ZKSCAN7: variants seen among roughly 807,000 people sequenced by gnomAD.
The protein encoded by ZKSCAN7 is zinc finger protein with KRAB and SCAN domains 7.
In ZKSCAN7, 38 loss-of-function variants were observed where a neutral mutation model predicts 65.3. That is an observed-to-expected ratio of 0.58 (90% CI 0.45 to 0.76). ZKSCAN7 has a LOEUF of 0.76. ZKSCAN7 is among the 30% of genes least tolerant of loss of function. ZKSCAN7 has a pLI of 0.00. For synonymous variants in ZKSCAN7, 321 were observed against 321.0 expected, an observed-to-expected ratio of 1.00 and a Z score of 0.00; for missense variants, 815 against 913.3, an observed-to-expected ratio of 0.89 and a Z score of 1.39.
intron 3 of ZKSCAN7, among the ~76,000 whole-genome samples, chr3:44,567,686 A>T (rs577561931): frequency 5.3e-5 from 8 of 152,008 alleles, no homozygotes; most frequent in African/African-American, 1.9e-4. Context: ...AGTTGAAGAG[A>T]GTGAGGGCTT....
Position 44,565,533 on chromosome 3 carries a change from C to T in ZKSCAN7, c.470C>T (p.Thr157Ile), listed in dbSNP as rs1473756569. Residue 157 changes from threonine (T) to isoleucine (I), a missense_variant, in exon 3 of 6, where the codon ACA becomes ATA. Around this residue, in one of 3 missense-constraint regions of ZKSCAN7, gnomAD observed 227 missense variants for 253.3 expected, o/e 0.90. Coordinates refer to ENST00000426540, the MANE Select transcript of ZKSCAN7 (RefSeq NM_001288590.2). Reference protein sequence around the residue: ...QKQEMHFEETTALGTTKESPP... With the variant: ...QKQEMHFEETIALGTTKESPP... The stretch of plus-strand genomic sequence containing the variant: ...CAGGAAATGCATTTTGAGGAGACAA[C>T]AGCTCTGGGTACAACAAAGGAATCT... The T allele has an allele frequency of 6.2e-7, 1 of 1,611,658 alleles. No homozygotes were observed. The highest frequency in any genetic ancestry group is 8.5e-7 in the Non-Finnish European group (1 of 1,179,018).
At chr3:44,573,262 C>T (rs1015663512), downstream of ZKSCAN7, among the ~76,000 whole-genome samples, 5 of 152,210 alleles carry the variant, frequency 3.3e-5, no homozygotes, top group Non-Finnish European at 7.3e-5. Flanking sequence ...TGTTGTCTAC[C>T]TCCTTCTCTT....
rs147940777 is a variant in ZKSCAN7, at chr3:44,570,310, C to G, written c.1200C>G (p.Gly400=). The change falls in exon 6 of 6, where the codon GGC becomes GGG. Residue 400 remains glycine, a synonymous_variant. Coordinates refer to ENST00000426540, the MANE Select transcript of ZKSCAN7 (RefSeq NM_001288590.2). ...TCAATCGGAGTTCTCACCTTATTGG[C>G]CATCAGAGAATCCACACTGGAGAGA... is the stretch of plus-strand genomic sequence containing the variant. ...KAFNRSSHLI[G]HQRIHTGEKP... is the part of the protein sequence containing the mutation. 3.1e-6 allele frequency: 5 copies of G among 1,613,998 alleles called. No individual in the cohort carries two copies. The highest frequency in any genetic ancestry group is 1.3e-5 in the African/African-American group (1 of 74,908).
At chr3:44,572,346 TTG>T (rs3080634), downstream of ZKSCAN7, among the ~76,000 whole-genome samples, 41,930 of 143,186 alleles carry the variant, frequency 0.29, 6,333 homozygotes, top group East Asian at 0.53. Flanking sequence ...CGAATGGATT[TTG>T]TGTGTGTGTG....
At chr3:44,558,136 A>T (rs1402378027) in intron 2 of ZKSCAN7, among the ~76,000 whole-genome samples, 1 of 152,094 alleles carries the variant, frequency 6.6e-6, no homozygotes, top group Non-Finnish European at 1.5e-5. Flanking sequence ...TGTTTCAGTC[A>T]GGGTTTAGCC....
At position 44,570,322 on chromosome 3, in the gene ZKSCAN7, C is replaced by G. The variant is rs1190515354; in HGVS notation, c.1212C>G (p.Ile404Met). ...RSSHLIGHQR[I>M]HTGEKPYECN... ...CTCACCTTATTGGCCATCAGAGAAT[C>G]CACACTGGAGAGAAACCCTATGAGT... The change falls in exon 6 of 6, where the codon ATC (isoleucine) becomes ATG (methionine). Residue 404 changes from isoleucine to methionine, a missense_variant. Physicochemically the swap from Ile to Met is conservative, Grantham distance 10. This residue lies in a region of ZKSCAN7 where 578 missense variants were observed against 629.5 expected (regional missense o/e 0.92). Coordinates refer to ENST00000426540, the MANE Select transcript of ZKSCAN7 (RefSeq NM_001288590.2). The G allele has an allele frequency of 6.2e-7, 1 of 1,614,156 alleles. No individual in the cohort carries two copies. The highest frequency in any genetic ancestry group is 8.5e-7 in the Non-Finnish European group (1 of 1,180,024).
chr3:44,570,549 C>T lies in ZKSCAN7; in HGVS notation c.1439C>T (p.Ser480Phe). 6.2e-7 allele frequency: 1 copy of T among 1,612,464 alleles called. No homozygotes were observed. The highest frequency in any genetic ancestry group is 8.5e-7 in the Non-Finnish European group (1 of 1,178,590). ...TGTGCAAAAGCCTTTACTCAGAGTT[C>T]CCGACTCACTGACCACCAGAGAACC... is the stretch of plus-strand genomic sequence containing the variant. ...NECAKAFTQS[S>F]RLTDHQRTHT... is the part of the protein sequence containing the mutation. Residue 480 changes from serine (S) to phenylalanine (F), a missense_variant, in exon 6 of 6, where the codon TCC (serine) becomes TTC (phenylalanine). Around this residue, in one of 3 missense-constraint regions of ZKSCAN7, gnomAD observed 578 missense variants for 629.5 expected, o/e 0.92. Coordinates refer to ENST00000426540, the MANE Select transcript of ZKSCAN7 (RefSeq NM_001288590.2).
At chr3:44,559,317 A>G (rs994465635) in intron 2 of ZKSCAN7, among the ~76,000 whole-genome samples, 3 of 150,120 alleles carry the variant, frequency 2.0e-5, no homozygotes, top group African/African-American at 7.4e-5. Context: ...ATGAGTTTCA[A>G]ATTGTTCCCC....
intron 5 of ZKSCAN7, among the ~76,000 whole-genome samples, chr3:44,581,240 G>A (rs185716962): frequency 2.0e-5 from 3 of 147,830 alleles, no homozygotes; most frequent in Admixed American, 2.0e-4. Flanking sequence ...CCGCACCGCC[G>A]CCGCCCAGCC....
rs1037460524 is a variant in ZKSCAN7, at chr3:44,557,461, A to C, written c.414A>C (p.Gly138=). 1.2e-6 allele frequency: 2 copies of C among 1,614,024 alleles called. No homozygotes were observed. Among genetic ancestry groups the C allele is most frequent in the African/African-American group, 2.7e-5 (2 of 74,926 alleles). The change falls in exon 2 of 6, where the codon GGA becomes GGC. Residue 138 remains glycine, a synonymous_variant. Coordinates refer to ENST00000426540, the MANE Select transcript of ZKSCAN7 (RefSeq NM_001288590.2). ...VVEDFQRHLS[G]SEEVSAPAQK... ...AGGATTTCCAGAGACACCTCAGTGG[A>C]TCAGAGGAGGTGAGCAGTTGAGTCT...
intron 2 of ZKSCAN7, among the ~76,000 whole-genome samples, chr3:44,565,208 T>C (rs1699595824): frequency 6.6e-6 from 1 of 152,254 alleles, no homozygotes; most frequent in African/African-American, 2.4e-5. Context: ...TAAGAAAATA[T>C]GTGTCTGAAG....
At chr3:44,577,765 G>A (rs1410243401) in intron 5 of ZKSCAN7, among the ~76,000 whole-genome samples, 6 of 152,224 alleles carry the variant, frequency 3.9e-5, no homozygotes, top group Admixed American at 3.9e-4. Context: ...GCAGAGAGTG[G>A]TGTGGACAAC....
chr3:44,572,659 C>T (rs1699839085), downstream of ZKSCAN7, among the ~76,000 whole-genome samples: 3 of 151,614 alleles, frequency 2.0e-5, no homozygotes, highest in South Asian at 6.3e-4. Context: ...ACCATCCTGG[C>T]TAACACGGTG....
chr3:44,580,795 C>T (rs900901980), intron 5 of ZKSCAN7: 27 of 1,612,694 alleles, frequency 1.7e-5, no homozygotes, highest in Admixed American at 3.3e-5. Context: ...AGGCCATGCT[C>T]GTAAAGGATG....
At chr3:44,572,343 ATT>A (rs1219703340), downstream of ZKSCAN7, among the ~76,000 whole-genome samples, 14 of 110,554 alleles carry the variant, frequency 1.3e-4, no homozygotes, top group South Asian at 6.5e-4. Context: ...ATGCGAATGG[ATT>A]TTGTGTGTGT....
chr3:44,580,828 G>A, intron 5 of ZKSCAN7: 1 of 1,613,390 alleles, frequency 6.2e-7, no homozygotes, highest in Non-Finnish European at 8.5e-7. Context: ...TGCCATTTCG[G>A]AGACCGGTGC....
intron 5 of ZKSCAN7, chr3:44,580,597 T>C: frequency 6.2e-7 from 1 of 1,613,870 alleles, no homozygotes; most frequent in East Asian, 2.2e-5. Context: ...ACCATGAGCA[T>C]CTCCAGCCAC....
intron 2 of ZKSCAN7, among the ~76,000 whole-genome samples, chr3:44,564,975 G>A (rs1699590023): frequency 6.6e-6 from 1 of 151,916 alleles, no homozygotes; most frequent in African/African-American, 2.4e-5. Flanking sequence ...TAATTTTTTT[G>A]TACTTTTAGT....
At position 44,565,479 on chromosome 3, in the gene ZKSCAN7, C is replaced by T. The variant is rs1350722154; in HGVS notation, c.424-8C>T. 1.6e-5 allele frequency: 26 copies of T among 1,599,512 alleles called. No homozygotes were observed. Among genetic ancestry groups the T allele is most frequent in the Non-Finnish European group, 2.1e-5 (25 of 1,173,122 alleles). ...CTTTTGAACCCAATTGTATTTCCCT[C>T]TCTCTAGGTTTCAGCCCCAGCACAG... On this transcript the variant is annotated splice_polypyrimidine_tract_variant and splice_region_variant and intron_variant, in intron 2 of 5. Coordinates refer to ENST00000426540, the MANE Select transcript of ZKSCAN7 (RefSeq NM_001288590.2).
Sources: allele counts gnomAD v4.1 joint callset (sites outside exome capture counted in the v4.1 genomes callset), GRCh38; gene constraint gnomAD v4.1.1; regional missense constraint gnomAD v4.1.1; transcripts MANE v1.5; gene names NCBI Gene and HGNC (gene_info 2026-07-23, HGNC 2026-07-21).